The following ATRX variants were observed in gnomAD, a reference collection of about 807,000 sequenced individuals.
ATRX encodes chromatin remodeler ATRX.
ATRX carries 12 observed loss-of-function variants against 172.6 expected under a neutral mutation model. That is an observed-to-expected ratio of 0.07 (90% CI 0.04 to 0.11). ATRX has a LOEUF of 0.11. Ranked by LOEUF, ATRX falls within the 10% of genes least tolerant of loss-of-function variation. The pLI is 1.00. For missense variants in ATRX, 1,368 were observed against 1,767.4 expected (o/e 0.77, Z 4.05); for synonymous variants, 674 against 594.7 (o/e 1.13, Z -1.94).
rs782802388 is a variant in ATRX at position 77,663,477 on chromosome X, C to T, written c.4025G>A (p.Arg1342Gln). ...TCCGTCACTCACAGTCAATTTGTGCCGCAAAAGCCTATGTCTGTATCTTGG... is the reference window on the plus strand; with the variant it reads ...TCCGTCACTCACAGTCAATTTGTGCTGCAAAAGCCTATGTCTGTATCTTGG... Reference protein sequence around the residue: ...KKPRYRHRLLRHKLTVSDGES... With the variant: ...KKPRYRHRLLQHKLTVSDGES... The change falls in exon 12 of 35, where the codon CGG (arginine) becomes CAG (glutamine). Residue 1342 changes from arginine to glutamine, a missense_variant. Coordinates refer to ENST00000373344, the MANE Select transcript of ATRX (RefSeq NM_000489.6). 7.4e-6 allele frequency: 9 copies of T among 1,208,898 alleles called. No individual in the cohort carries two copies. The highest frequency in any genetic ancestry group is 3.5e-5 in the South Asian group (2 of 56,805).
chrX:77,610,120 G>A (rs1274012141), intron 22 of ATRX, among the ~76,000 whole-genome samples: 1 of 111,516 alleles, frequency 9.0e-6, no homozygotes, highest in Admixed American at 9.6e-5. Flanking sequence ...TACCTACTAT[G>A]TACCCACAAA....
intron 1 of ATRX, among the ~76,000 whole-genome samples, chrX:77,719,540 T>C (rs1421565177): frequency 9.0e-6 from 1 of 111,476 alleles, no homozygotes; most frequent in Non-Finnish European, 1.9e-5. Flanking sequence ...AATCCTAGTC[T>C]CTGATAAAAC....
chrX:77,512,984 A>G (rs2062922715), intron 34 of ATRX, among the ~76,000 whole-genome samples: 1 of 111,588 alleles, frequency 9.0e-6, no homozygotes, highest in African/African-American at 3.3e-5. Context: ...CAGAAAACAA[A>G]TAACAAAATG....
At chrX:77,783,864 A>C (rs1192813276) in intron 1 of ATRX, among the ~76,000 whole-genome samples, 1 of 111,992 alleles carries the variant, frequency 8.9e-6, no homozygotes, top group African/African-American at 3.2e-5. Context: ...ACATGCATAT[A>C]TGCAGTTCTT....
intron 10 of ATRX, chrX:77,675,840 T>C (rs920514978): frequency 2.0e-4 from 26 of 133,196 alleles, no homozygotes; most frequent in African/African-American, 8.3e-4. Context: ...CCATATTGGA[T>C]GGCAATTAAC....
In ATRX at chrX:77,506,254, G is replaced by C. The variant is rs1452703734; in HGVS notation, c.*2097C>G. The C allele has an allele frequency of 5.8e-6, 1 of 171,180 alleles. No individual in the cohort carries two copies. Among genetic ancestry groups the C allele is most frequent in the Non-Finnish European group, 1.1e-5 (1 of 89,501 alleles). The allele number at this position is 171,180 out of a possible 1,213,427, so 14.1% of individuals were successfully genotyped here. ...TGTCTTTAAATATTTGTTAAAGCTT[G>C]ATGTTATACTCAAAGTACATATTAT... On this transcript the variant is annotated 3_prime_UTR_variant, in exon 35 of 35. Coordinates refer to ENST00000373344, the MANE Select transcript of ATRX (RefSeq NM_000489.6).
At chrX:77,622,641 G>A (rs1198045747) in intron 19 of ATRX, among the ~76,000 whole-genome samples, 2 of 111,442 alleles carry the variant, frequency 1.8e-5, no homozygotes, top group African/African-American at 3.3e-5. Context: ...GAACTCCGGG[G>A]AGGGCGCAAA....
Position 77,537,842 on chromosome X carries a change from A to AATAT in ATRX, c.6700-14445_6700-14442dup, listed in dbSNP as rs199885990. On this transcript the variant is annotated intron_variant, in intron 30 of 34. Transcript: ENST00000373344. ...AGACCAATAGTTATTACCTGTCCTG[A>AATAT]ATATATATATATGTATTTTTAAAAA... is the stretch of plus-strand genomic sequence containing the variant. Among the ~76,000 whole-genome samples the AATAT allele has an allele frequency of 2.7e-5, 3 of 110,947 alleles. No homozygotes were observed. The Admixed American group carries it at 2.9e-4, about 11-fold the overall frequency.
chrX:77,626,081 ATATG>A (rs2067837421), intron 19 of ATRX, among the ~76,000 whole-genome samples: 4 of 65,103 alleles, frequency 6.1e-5, no homozygotes, highest in African/African-American at 2.5e-4. Context: ...ATATATATAT[ATATG>A]ATGGAATACT....
chrX:77,682,224 G>A lies in ATRX; in HGVS notation c.3032C>T (p.Ser1011Phe), dbSNP rs1205057707. 1.7e-6 allele frequency: 2 copies of A among 1,207,583 alleles called. No individual in the cohort carries two copies. The highest frequency in any genetic ancestry group is 3.5e-5 in the African/African-American group (2 of 57,108). ...KVIKMEQQYE[S>F]SSDGTEKLPE... Reference sequence around the variant, plus strand: ...TAACTTTTCAGTGCCATCAGATGAAGATTCATACTGTTGTTCCATTTTAAT... The same window carrying A: ...TAACTTTTCAGTGCCATCAGATGAAAATTCATACTGTTGTTCCATTTTAAT... Residue 1011 changes from serine (S) to phenylalanine (F), a missense_variant, in exon 9 of 35, where the codon TCT becomes TTT. Ser to Phe is a radical substitution (Grantham distance 155). This residue lies in a region of ATRX where 843 missense variants were observed against 643.1 expected (regional missense o/e 1.31). Coordinates refer to ENST00000373344, the MANE Select transcript of ATRX (RefSeq NM_000489.6).
chrX:77,764,428 C>T (rs782260853), intron 1 of ATRX, among the ~76,000 whole-genome samples: 5 of 111,761 alleles, frequency 4.5e-5, no homozygotes, highest in African/African-American at 1.6e-4. Context: ...AGCTTCTGGA[C>T]TCTGCTCACT....
Position 77,683,869 on chromosome X carries a change from T to C in ATRX, c.1387A>G (p.Lys463Glu). ...CTATCTACCTGTTTTCTTGAAAGTT[T>C]AGCTTCTGACTTTGAAATATCCTTC... ...EKKDISKSEA[K>E]LSRKQVDSEH... Residue 463 changes from lysine to glutamate, a missense_variant, in exon 9 of 35, where the codon AAA becomes GAA. By Grantham distance (56) the Lys-to-Glu change is moderately conservative. Around this residue, in one of 17 missense-constraint regions of ATRX, gnomAD observed 843 missense variants for 643.1 expected, o/e 1.31. Transcript: ENST00000373344. The C allele has an allele frequency of 8.3e-7, 1 of 1,210,099 alleles. No homozygotes were observed. Among genetic ancestry groups the C allele is most frequent in the African/African-American group, 1.7e-5 (1 of 57,902 alleles).
intron 1 of ATRX, among the ~76,000 whole-genome samples, chrX:77,718,674 T>C (rs2073581504): frequency 9.0e-6 from 1 of 111,221 alleles, no homozygotes; most frequent in African/African-American, 3.3e-5. Context: ...GTGCCCAGCC[T>C]ATAGCATCAA....
chrX:77,684,734 G>A (rs2071457572), intron 8 of ATRX, 141 bp from the exon 9 acceptor site: 3 of 789,925 alleles, frequency 3.8e-6, no homozygotes, highest in South Asian at 2.6e-5. Flanking sequence ...TTTACTGCCA[G>A]TAATTTTAGT....
At chrX:77,728,754 C>T (rs2074161766) in intron 1 of ATRX, among the ~76,000 whole-genome samples, 1 of 54,248 alleles carries the variant, frequency 1.8e-5, no homozygotes, top group African/African-American at 6.1e-5. Flanking sequence ...TATTTCTTTT[C>T]TTTTCTTTTC....
At position 77,636,012 on chromosome X, in the gene ATRX, T is replaced by G. The variant is rs879948459; in HGVS notation, c.4602A>C (p.Thr1534=). The change falls in exon 16 of 35, where the codon ACA becomes ACC. Residue 1534 remains threonine, a synonymous_variant. Transcript: ENST00000373344. ...CATCTTCATCTAAAACCAACTTGGT[T>G]GTTATTGGACACTTGGTGGGTGAAG... ...EDASPTKCPI[T]TKLVLDEDEE... 2 of 1,210,302 alleles carry G rather than the reference T, an allele frequency of 1.7e-6. No homozygotes were observed. Among genetic ancestry groups the G allele is most frequent in the South Asian group, 1.8e-5 (1 of 56,908 alleles).
chrX:77,723,150 G>A (rs1334266847), intron 1 of ATRX, among the ~76,000 whole-genome samples: 3 of 111,171 alleles, frequency 2.7e-5, no homozygotes, highest in Non-Finnish European at 3.8e-5. Context: ...GAGAACACAT[G>A]GACACAGGGA....
intron 28 of ATRX, among the ~76,000 whole-genome samples, chrX:77,567,452 T>G (rs1045895763): frequency 1.8e-5 from 2 of 108,780 alleles, no homozygotes; most frequent in South Asian, 3.8e-4. Flanking sequence ...AAAACAAGAG[T>G]GGTTATATTA....
At chrX:77,598,541 G>A (rs893254194) in intron 25 of ATRX, among the ~76,000 whole-genome samples, 9 of 111,886 alleles carry the variant, frequency 8.0e-5, no homozygotes, top group Non-Finnish European at 5.7e-5. Flanking sequence ...TAACCTAGGT[G>A]GCCCCCACAA....
Sources: gnomAD v4.1 joint callset for allele counts (sites outside exome capture counted in the v4.1 genomes callset) on GRCh38, gnomAD v4.1.1 for gene constraint, gnomAD v4.1.1 regional missense constraint, MANE v1.5 for transcripts, NCBI Gene and HGNC (gene_info 2026-07-23, HGNC 2026-07-21) for gene names.